CWC27: variants seen among roughly 807,000 people sequenced by gnomAD.
CWC27 encodes the protein spliceosome-associated protein CWC27 homolog.
A neutral mutation model predicts 63.6 loss-of-function variants in CWC27; 47 were observed. The ratio of observed to expected loss-of-function variants is 0.74; its 90% confidence interval spans 0.58 to 0.94. The LOEUF is 0.94. Ranked by LOEUF, CWC27 falls within the 40% of genes least tolerant of loss-of-function variation. The pLI is 0.00. For synonymous variants in CWC27, 175 were observed against 179.8 expected, an observed-to-expected ratio of 0.97 and a Z score of 0.22; for missense variants, 495 against 554.3, an observed-to-expected ratio of 0.89 and a Z score of 1.07.
At chr5:64,901,499 C>T (rs1747510154) in intron 11 of CWC27, among the ~76,000 whole-genome samples, 1 of 151,374 alleles carries the variant, frequency 6.6e-6, no homozygotes, top group Non-Finnish European at 1.5e-5. Flanking sequence ...AAGTGGTATA[C>T]CTGTATAGGC....
intron 11 of CWC27, among the ~76,000 whole-genome samples, chr5:64,911,161 C>G (rs1747777885): frequency 6.6e-6 from 1 of 152,212 alleles, no homozygotes; most frequent in African/African-American, 2.4e-5. Flanking sequence ...TTCTCAGCTG[C>G]CTGCCCTTTC....
At position 64,830,094 on chromosome 5, in the gene CWC27, T is replaced by C. The variant is rs1580651247; in HGVS notation, c.938+25708T>C. ...ACAACGTGCAGGTTTGTTACATATG[T>C]ATACATGTGCCATGTTGGTGTGCTG... On this transcript the variant is annotated intron_variant, in intron 10 of 13. Transcript: ENST00000381070. 2.0e-5 allele frequency among the ~76,000 whole-genome samples: 3 copies of C among 151,658 alleles called. No individual in the cohort carries two copies. The East Asian group carries it at 5.8e-4, about 30-fold the overall frequency.
At chr5:64,938,571 C>T (rs1041334424) in intron 11 of CWC27, among the ~76,000 whole-genome samples, 1 of 152,110 alleles carries the variant, frequency 6.6e-6, no homozygotes, top group African/African-American at 2.4e-5. Context: ...GTGAATCTGA[C>T]AATTATATGT....
At chr5:65,017,414 T>G (rs1750068336) in intron 13 of CWC27, among the ~76,000 whole-genome samples, 1 of 152,210 alleles carries the variant, frequency 6.6e-6, no homozygotes, top group African/African-American at 2.4e-5. Context: ...GCACCTCATA[T>G]GGGGCACAGC....
chr5:64,784,845 G>A (rs1441146788), intron 4 of CWC27, among the ~76,000 whole-genome samples: 4 of 152,192 alleles, frequency 2.6e-5, no homozygotes, highest in Admixed American at 2.6e-4. Flanking sequence ...CTCCAGCACA[G>A]CCTGTCTGAT....
chr5:64,869,828 A>G (rs2112323188), intron 10 of CWC27, among the ~76,000 whole-genome samples: 1 of 152,094 alleles, frequency 6.6e-6, no homozygotes, highest in East Asian at 1.9e-4. Flanking sequence ...CTAGATGGCT[A>G]GAGAGGAAAG....
chr5:64,898,963 C>T (rs370574512), intron 11 of CWC27, among the ~76,000 whole-genome samples: 1 of 152,110 alleles, frequency 6.6e-6, no homozygotes, highest in Non-Finnish European at 1.5e-5. Context: ...CACAAAAGCA[C>T]TTTCACTCTT....
chr5:64,951,278 A>G (rs1321670915), intron 11 of CWC27, among the ~76,000 whole-genome samples: 1 of 151,838 alleles, frequency 6.6e-6, no homozygotes, highest in South Asian at 2.1e-4. Context: ...AGGAATGTAT[A>G]ATGGTATTTC....
chr5:64,842,924 T>C (rs1355333978), intron 10 of CWC27, among the ~76,000 whole-genome samples: 1 of 152,200 alleles, frequency 6.6e-6, no homozygotes, highest in Non-Finnish European at 1.5e-5. Context: ...TAATTGTTTC[T>C]CAAGATTCTT....
intron 10 of CWC27, among the ~76,000 whole-genome samples, chr5:64,834,324 C>A (rs964379842): frequency 1.3e-5 from 2 of 151,568 alleles, no homozygotes; most frequent in Non-Finnish European, 3.0e-5. Flanking sequence ...TATTAAGTCT[C>A]CTCATACTAC....
At chr5:65,009,001 T>TA (rs1410951032) in intron 13 of CWC27, among the ~76,000 whole-genome samples, 28 of 135,474 alleles carry the variant, frequency 2.1e-4, no homozygotes, top group African/African-American at 5.6e-4. Flanking sequence ...GGTAATTTAT[T>TA]TAAAAAAAAA....
At chr5:64,794,785 G>A (rs576232908) in intron 7 of CWC27, among the ~76,000 whole-genome samples, 2 of 152,196 alleles carry the variant, frequency 1.3e-5, no homozygotes, top group African/African-American at 4.8e-5. Flanking sequence ...TTGAATGTCT[G>A]TATTGGTTTA....
At chr5:65,005,315 G>T (rs1332175893) in intron 13 of CWC27, among the ~76,000 whole-genome samples, 1 of 152,232 alleles carries the variant, frequency 6.6e-6, no homozygotes, top group Non-Finnish European at 1.5e-5. Flanking sequence ...TGCAGGCACT[G>T]ACGGTGGCAG....
At chr5:64,837,191 A>G (rs1745679483) in intron 10 of CWC27, among the ~76,000 whole-genome samples, 1 of 152,102 alleles carries the variant, frequency 6.6e-6, no homozygotes, top group Non-Finnish European at 1.5e-5. Context: ...GAGTTCAGCT[A>G]TTAGGTTTAA....
intron 10 of CWC27, among the ~76,000 whole-genome samples, chr5:64,823,908 G>A (rs1358512914): frequency 2.0e-5 from 3 of 151,884 alleles, no homozygotes; most frequent in Non-Finnish European, 4.4e-5. Flanking sequence ...TATTTCTTTT[G>A]TTTAATTTTG....
At chr5:64,970,133 C>A (rs1476737958) in intron 11 of CWC27, among the ~76,000 whole-genome samples, 2 of 151,302 alleles carry the variant, frequency 1.3e-5, no homozygotes, top group Non-Finnish European at 2.9e-5. Context: ...TATCCCAGGA[C>A]AATGCAAATC....
At chr5:64,939,901 G>C (rs2112413054) in intron 11 of CWC27, among the ~76,000 whole-genome samples, 1 of 152,294 alleles carries the variant, frequency 6.6e-6, no homozygotes, top group South Asian at 2.1e-4. Context: ...CTTCTGGTCG[G>C]CTTTGTTTAC....
chr5:64,779,825 G>A (rs766626498), intron 2 of CWC27, among the ~76,000 whole-genome samples: 1 of 152,112 alleles, frequency 6.6e-6, no homozygotes, highest in Admixed American at 6.5e-5. Flanking sequence ...CTGTTCTTGT[G>A]ATAATGAGTG....
intron 7 of CWC27, among the ~76,000 whole-genome samples, chr5:64,795,696 A>C (rs1389192548): frequency 6.6e-6 from 1 of 152,082 alleles, no homozygotes; most frequent in African/African-American, 2.4e-5. Context: ...ATTTGGACCC[A>C]TCTTGATAAT....
Sources: allele counts gnomAD v4.1 joint callset (sites outside exome capture counted in the v4.1 genomes callset), GRCh38; gene constraint gnomAD v4.1.1; transcripts MANE v1.5; gene names NCBI Gene and HGNC (gene_info 2026-07-23, HGNC 2026-07-21).